TMEM132B: variants seen among roughly 807,000 people sequenced by gnomAD.
TMEM132B encodes transmembrane protein 132B.
In TMEM132B, 18 loss-of-function variants were observed where a neutral mutation model predicts 90.8. The ratio of observed to expected loss-of-function variants is 0.20; its 90% CI spans 0.14 to 0.29. The LOEUF is 0.29. Among genes scored for constraint, TMEM132B ranks in the 10% least tolerant of loss-of-function variants. The pLI is 1.00. For synonymous variants in TMEM132B, 504 were observed against 523.3 expected, an observed-to-expected ratio of 0.96 and a Z score of 0.50; for missense variants, 1,096 against 1,326.8, an observed-to-expected ratio of 0.83 and a Z score of 2.70.
At position 125,428,114 on chromosome 12, in the gene TMEM132B, C is replaced by A. The variant is rs1336159413; in HGVS notation, c.1106+12437C>A. Among the ~76,000 whole-genome samples the A allele has an allele frequency of 3.9e-5, 6 of 152,086 alleles. No homozygotes were observed. In the South Asian group the frequency reaches 1.2e-3, roughly 32 times the overall value. On this transcript the variant is annotated intron_variant, in intron 3 of 8. Coordinates refer to ENST00000682704, the MANE Select transcript of TMEM132B (RefSeq NM_001366854.1). The stretch of plus-strand genomic sequence containing the variant: ...TGGGCTCAGTGATCCACCTCAGCCT[C>A]CCAGGTAGCTGGGACTACAGGCATG...
chr12:125,385,502 G>A (rs1878804100), intron 2 of TMEM132B, among the ~76,000 whole-genome samples: 1 of 152,194 alleles, frequency 6.6e-6, no homozygotes, highest in African/African-American at 2.4e-5. Flanking sequence ...TGGACTTTAT[G>A]GCCAGAGGGA....
chr12:125,399,622 G>A (rs1189541909), intron 2 of TMEM132B, among the ~76,000 whole-genome samples: 1 of 152,072 alleles, frequency 6.6e-6, no homozygotes, highest in Non-Finnish European at 1.5e-5. Context: ...CTGGCCTCCA[G>A]AACTGTGAGA....
At chr12:125,484,509 C>T (rs980655258) in intron 3 of TMEM132B, among the ~76,000 whole-genome samples, 3 of 152,138 alleles carry the variant, frequency 2.0e-5, no homozygotes, top group African/African-American at 7.2e-5. Context: ...TAGATTGCTG[C>T]AGGCTTGGAC....
Position 125,652,632 on chromosome 12 carries a change from G to A in TMEM132B, c.2106G>A (p.Gln702=), listed in dbSNP as rs1199705993. 1 of 1,609,418 alleles carries A rather than the reference G, an allele frequency of 6.2e-7. No individual in the cohort carries two copies. The highest frequency in any genetic ancestry group is 8.5e-7 in the Non-Finnish European group (1 of 1,177,670). ...TGGATGTTCTTCAGTCCCCACAGCAGGTGAGCGTTCCAGGGGCCCTGCGTC... is the reference window on the plus strand; with the variant it reads ...TGGATGTTCTTCAGTCCCCACAGCAAGTGAGCGTTCCAGGGGCCCTGCGTC... ...AALDVLQSPQ[Q]EAIVSSWILF... is the part of the protein sequence containing the mutation. The change falls in exon 8 of 9, where the codon CAG becomes CAA. Residue 702 remains glutamine, a splice_region_variant and synonymous_variant. Transcript: ENST00000682704.
chr12:125,639,655 G>C (rs1280870177), intron 5 of TMEM132B, among the ~76,000 whole-genome samples: 1 of 152,214 alleles, frequency 6.6e-6, no homozygotes, highest in Non-Finnish European at 1.5e-5. Flanking sequence ...AATTAATACA[G>C]TTTAAGTGAC....
intron 1 of TMEM132B, among the ~76,000 whole-genome samples, chr12:125,280,272 A>T (rs1022249484): frequency 5.9e-5 from 9 of 152,372 alleles, no homozygotes; most frequent in South Asian, 4.1e-4. Flanking sequence ...GATGATGGAT[A>T]TGCCAATTAC....
At chr12:125,320,254 GAA>G (rs1185755186) in intron 1 of TMEM132B, among the ~76,000 whole-genome samples, 1 of 152,262 alleles carries the variant, frequency 6.6e-6, no homozygotes, top group Non-Finnish European at 1.5e-5. Context: ...GCACCAGAGA[GAA>G]AATAGGAGCA....
chr12:125,273,777 C>T (rs919106570), intron 1 of TMEM132B, among the ~76,000 whole-genome samples: 4 of 152,078 alleles, frequency 2.6e-5, no homozygotes, highest in African/African-American at 7.2e-5. Context: ...GTGATTCTCC[C>T]GCCTCAGCTT....
intron 6 of TMEM132B, among the ~76,000 whole-genome samples, chr12:125,649,083 C>G (rs559997213): frequency 6.6e-6 from 1 of 152,254 alleles, no homozygotes; most frequent in South Asian, 2.1e-4. Context: ...TTCTTTGCCA[C>G]CTAACACCAT....
At position 125,647,897 on chromosome 12, in the gene TMEM132B, C is replaced by CTTTT. The variant is rs757137864; in HGVS notation, c.1644-2772_1644-2769dup. On this transcript the variant is annotated intron_variant, in intron 6 of 8. Coordinates refer to ENST00000682704, the MANE Select transcript of TMEM132B (RefSeq NM_001366854.1). ...AAAACATACTTAAAACAATTGTATC[C>CTTTT]TTTTTTTTTTTTTTTTTAATTATAC... Among the ~76,000 whole-genome samples the CTTTT allele has an allele frequency of 7.2e-4, 98 of 135,298 alleles. 2 individuals are homozygous for CTTTT. Among genetic ancestry groups the CTTTT allele is most frequent in the African/African-American group, 2.6e-3 (97 of 36,854 alleles). 88.8% of individuals were successfully genotyped at this position (135,298 alleles called of 152,430 possible).
chr12:125,412,972 C>T (rs1407848473), intron 2 of TMEM132B, among the ~76,000 whole-genome samples: 3 of 152,014 alleles, frequency 2.0e-5, no homozygotes, highest in Admixed American at 6.5e-5. Context: ...CCGGGAATTG[C>T]GGGCATTGCA....
At chr12:125,240,340 C>G (rs933184169) in intron 1 of TMEM132B, among the ~76,000 whole-genome samples, 4 of 152,132 alleles carry the variant, frequency 2.6e-5, no homozygotes, top group African/African-American at 9.7e-5. Flanking sequence ...CACAGAAGTG[C>G]TATTTGGGTT....
intron 2 of TMEM132B, among the ~76,000 whole-genome samples, chr12:125,376,259 T>C (rs1360148312): frequency 2.0e-5 from 3 of 152,238 alleles, no homozygotes; most frequent in African/African-American, 7.2e-5. Flanking sequence ...TTTTCTTCTC[T>C]TTATGGAAAT....
intron 3 of TMEM132B, among the ~76,000 whole-genome samples, chr12:125,463,954 A>G (rs113177934): frequency 1.8e-3 from 280 of 152,298 alleles, no homozygotes; most frequent in Middle Eastern, 3.4e-3. Flanking sequence ...AGCAAGAGCA[A>G]GGAAGTGCTA....
At chr12:125,227,534 C>G (rs60396239) in intron 1 of TMEM132B, among the ~76,000 whole-genome samples, 2 of 152,144 alleles carry the variant, frequency 1.3e-5, no homozygotes, top group East Asian at 3.9e-4. Context: ...GAAATACCTG[C>G]TGGGCAGCAA....
In TMEM132B at chr12:125,644,138, G is replaced by A. The variant is rs1205445424; in HGVS notation, c.1500G>A (p.Thr500=). The A allele has an allele frequency of 2.5e-6, 4 of 1,614,060 alleles. No individual in the cohort carries two copies. The highest frequency in any genetic ancestry group is 1.3e-5 in the African/African-American group (1 of 74,910). Residue 500 remains threonine, a synonymous_variant, in exon 6 of 9, where the codon ACG becomes ACA. Coordinates refer to ENST00000682704, the MANE Select transcript of TMEM132B (RefSeq NM_001366854.1). ...NGKEMKSKVD[T]IVNFTHQHFT... Reference sequence around the variant, plus strand: ...AGGAAATGAAGAGCAAAGTGGACACGATTGTGAACTTCACCCACCAGCACT... The same window carrying A: ...AGGAAATGAAGAGCAAAGTGGACACAATTGTGAACTTCACCCACCAGCACT...
rs141489143 is a variant in TMEM132B at position 125,407,288 on chromosome 12, C to T, written c.960-8243C>T. Among the ~76,000 whole-genome samples the T allele has an allele frequency of 4.8e-3, 727 of 152,334 alleles. 8 individuals are homozygous for T. Among genetic ancestry groups the T allele is most frequent in the African/African-American group, 0.016 (665 of 41,578 alleles). On this transcript the variant is annotated intron_variant, in intron 2 of 8. Transcript: ENST00000682704. This position sits in a 1 kb window ranked among gnomAD's most constrained non-coding sequence, Gnocchi z 6.7. ...TGAAGGCAAAGGCCAGACCTCTCTT[C>T]GGGCAAAGTTAATCCTTTACTGCCC... is the stretch of plus-strand genomic sequence containing the variant.
At chr12:125,621,547 C>G (rs1886112552) in intron 5 of TMEM132B, among the ~76,000 whole-genome samples, 1 of 152,034 alleles carries the variant, frequency 6.6e-6, no homozygotes, top group Non-Finnish European at 1.5e-5. Context: ...ATAAGACATG[C>G]ATGTGGTAAG....
intron 1 of TMEM132B, among the ~76,000 whole-genome samples, chr12:125,229,796 G>T: frequency 6.6e-6 from 1 of 152,236 alleles, no homozygotes. Context: ...CAGGATGGCT[G>T]CTGATGTTCC....
Sources: allele counts gnomAD v4.1 joint callset (sites outside exome capture counted in the v4.1 genomes callset), GRCh38; gene constraint gnomAD v4.1.1; non-coding constraint Gnocchi (gnomAD v3.1); transcripts MANE v1.5; gene names NCBI Gene and HGNC (gene_info 2026-07-23, HGNC 2026-07-21).